RAB27A: variants seen among roughly 807,000 people sequenced by gnomAD.
RAB27A encodes the protein ras-related protein Rab-27A.
In RAB27A, 17 loss-of-function variants were observed where a neutral mutation model predicts 20.8. That is an observed-to-expected ratio of 0.82 (90% CI 0.56 to 1.23). The LOEUF (loss-of-function observed/expected upper bound fraction) is 1.23. RAB27A is among the 50% of genes most tolerant of loss of function. RAB27A has a pLI of 0.00. For synonymous variants in RAB27A, 85 were observed against 92.8 expected, an observed-to-expected ratio of 0.92 and a Z score of 0.48; for missense variants, 277 against 266.7, an observed-to-expected ratio of 1.04 and a Z score of -0.27.
At chr15:55,306,458 G>A (rs753398537) in intron 2 of RAB27A, among the ~76,000 whole-genome samples, 15 of 152,164 alleles carry the variant, frequency 9.9e-5, no homozygotes, top group South Asian at 2.1e-4. Flanking sequence ...GGGGCTAGGC[G>A]TGCTATGTAC....
rs191398673 is a variant in RAB27A at position 55,256,137 on chromosome 15, G to A, written c.-23+14028C>T. ...GGTCAGAAAAGGGGAGCAATCTGTC[G>A]GGCATGGAGGCTCATACCTGTAATC... On this transcript the variant is annotated intron_variant, in intron 2 of 6. Coordinates refer to ENST00000336787, the MANE Select transcript of RAB27A (RefSeq NM_183235.3). Among the ~76,000 whole-genome samples, 117 of 152,248 alleles carry A rather than the reference G, an allele frequency of 7.7e-4. 4 individuals carry two copies. The highest frequency in any genetic ancestry group is 5.4e-3 in the Admixed American group (82 of 15,294).
intron 1 of RAB27A, 186 bp from the exon 2 acceptor site, chr15:55,270,470 T>C (rs746097207): frequency 6.6e-6 from 1 of 152,174 alleles, no homozygotes; most frequent in Non-Finnish European, 1.5e-5. Context: ...CAAGTGATTT[T>C]TGCCCCTTTC....
At chr15:55,256,568 A>G (rs562430960) in intron 2 of RAB27A, among the ~76,000 whole-genome samples, 1 of 152,368 alleles carries the variant, frequency 6.6e-6, no homozygotes, top group South Asian at 2.1e-4. Flanking sequence ...TTTGACTTCA[A>G]TTTAACAAGT....
Position 55,314,487 on chromosome 15 carries a change from T to C in RAB27A, c.-233-327A>G, listed in dbSNP as rs1184122397. 2.0e-5 allele frequency among the ~76,000 whole-genome samples: 3 copies of C among 152,312 alleles called. 1 individual carries two copies. Among genetic ancestry groups the C allele is most frequent in the African/African-American group, 7.2e-5 (3 of 41,558 alleles). ...GGAAGAGAGGAAGTCAAATTGTCTC[T>C]GCAGATGACATGATTGTGTATTTAG... is the stretch of plus-strand genomic sequence containing the variant. On this transcript the variant is annotated intron_variant, in intron 1 of 5. Transcript: ENST00000563262.
chr15:55,294,884 A>C (rs2054942353), intron 2 of RAB27A, among the ~76,000 whole-genome samples: 1 of 152,144 alleles, frequency 6.6e-6, no homozygotes, highest in Non-Finnish European at 1.5e-5. Flanking sequence ...GCACACTATC[A>C]ACAGAGTGAA....
chr15:55,313,218 C>T (rs374426395), intron 2 of RAB27A, among the ~76,000 whole-genome samples: 3 of 152,076 alleles, frequency 2.0e-5, no homozygotes, highest in South Asian at 4.1e-4. Context: ...GGGATTAAGA[C>T]CAGACTAGGC....
chr15:55,253,847 G>A (rs756547464), intron 2 of RAB27A, among the ~76,000 whole-genome samples: 39 of 152,262 alleles, frequency 2.6e-4, no homozygotes, highest in Non-Finnish European at 4.4e-4. Flanking sequence ...AACAACGCAA[G>A]AGGATAAAGG....
At chr15:55,249,793 G>A (rs950402484) in intron 2 of RAB27A, among the ~76,000 whole-genome samples, 3 of 152,064 alleles carry the variant, frequency 2.0e-5, no homozygotes, top group East Asian at 1.9e-4. Context: ...TAAGCCCAAG[G>A]TCATGTCTTA....
intron 2 of RAB27A, among the ~76,000 whole-genome samples, chr15:55,304,679 A>C (rs2054989992): frequency 6.6e-6 from 1 of 152,192 alleles, no homozygotes; most frequent in Non-Finnish European, 1.5e-5. Flanking sequence ...GTTATAGCAC[A>C]TACTTCATTT....
At chr15:55,265,962 C>T (rs1243017583) in intron 2 of RAB27A, among the ~76,000 whole-genome samples, 1 of 152,150 alleles carries the variant, frequency 6.6e-6, no homozygotes, top group Non-Finnish European at 1.5e-5. Context: ...CAGGAGAGGA[C>T]CATGAGATGT....
intron 2 of RAB27A, among the ~76,000 whole-genome samples, chr15:55,302,632 C>T (rs993286706): frequency 2.5e-5 from 3 of 119,844 alleles, no homozygotes; most frequent in Non-Finnish European, 5.0e-5. Context: ...AAGTGAGGAG[C>T]GCCTCTTCCC....
chr15:55,253,338 C>T (rs147051468), intron 2 of RAB27A, among the ~76,000 whole-genome samples: 4 of 149,424 alleles, frequency 2.7e-5, no homozygotes, highest in Non-Finnish European at 4.5e-5. Flanking sequence ...TTCCAGCTAC[C>T]CCAGAGGCTA....
At chr15:55,258,646 A>T (rs892939995) in intron 2 of RAB27A, among the ~76,000 whole-genome samples, 3 of 152,216 alleles carry the variant, frequency 2.0e-5, no homozygotes, top group African/African-American at 7.2e-5. Context: ...TTACACTCCC[A>T]ACTTCATATC....
At chr15:55,243,484 G>A (rs2005461) in intron 2 of RAB27A, among the ~76,000 whole-genome samples, 72 of 151,968 alleles carry the variant, frequency 4.7e-4, no homozygotes, top group African/African-American at 1.7e-3. Context: ...GTGAAACGCT[G>A]TCTCTACTAA....
chr15:55,248,827 T>G (rs1896783692), intron 2 of RAB27A: 1 of 152,206 alleles, frequency 6.6e-6, no homozygotes, highest in Non-Finnish European at 1.5e-5. Flanking sequence ...GACAGCCAGC[T>G]ATATATAGGT....
intron 6 of RAB27A, among the ~76,000 whole-genome samples, chr15:55,211,630 T>G (rs1895030687): frequency 6.6e-6 from 1 of 152,210 alleles, no homozygotes; most frequent in South Asian, 2.1e-4. Flanking sequence ...CTGAATTCGT[T>G]GATCAGTTCT....
chr15:55,209,471 T>G (rs1257056426), intron 6 of RAB27A, among the ~76,000 whole-genome samples: 1 of 152,168 alleles, frequency 6.6e-6, no homozygotes, highest in Non-Finnish European at 1.5e-5. Flanking sequence ...TGATGGGATT[T>G]CATTCTTTTT....
Position 55,204,697 on chromosome 15 carries a change from C to T in RAB27A, c.*810G>A, listed in dbSNP as rs1894558906. The T allele has an allele frequency of 6.6e-6, 1 of 152,174 alleles. No homozygotes were observed. The highest frequency in any genetic ancestry group is 6.5e-5 in the Admixed American group (1 of 15,280). 9.4% of individuals were successfully genotyped at this position (152,174 alleles called of 1,614,324 possible). A position where few individuals can be genotyped will look rare whatever the true frequency, so the allele number is the denominator to read the frequency against. On this transcript the variant is annotated 3_prime_UTR_variant, in exon 7 of 7. Transcript: ENST00000336787. Reference sequence around the variant, plus strand: ...AGCACCAGCTATGTTCAGGTGCGGCCAGCACATAGGCCAAGTATAAATGTA... The same window carrying T: ...AGCACCAGCTATGTTCAGGTGCGGCTAGCACATAGGCCAAGTATAAATGTA...
rs947767830 is a variant in RAB27A at position 55,203,782 on chromosome 15, G to C, written c.*1725C>G. 2 of 151,670 alleles carry C rather than the reference G, an allele frequency of 1.3e-5. No homozygotes were observed. Among genetic ancestry groups the C allele is most frequent in the African/African-American group, 4.8e-5 (2 of 41,268 alleles). 9.4% of individuals were successfully genotyped at this position (151,670 alleles called of 1,614,324 possible). ...CTAGCATATACAATTCAAATGCACA[G>C]GCCTCCATGACTTCTTTGGAATTTA... is the stretch of plus-strand genomic sequence containing the variant. On this transcript the variant is annotated 3_prime_UTR_variant, in exon 7 of 7. Transcript: ENST00000336787.
Sources: gnomAD v4.1 joint callset for allele counts (sites outside exome capture counted in the v4.1 genomes callset) on GRCh38, gnomAD v4.1.1 for gene constraint, MANE v1.5 for transcripts, NCBI Gene and HGNC (gene_info 2026-07-23, HGNC 2026-07-21) for gene names.